PRKCZ: variants seen among roughly 807,000 people sequenced by gnomAD.
PRKCZ encodes protein kinase C zeta.
Under a neutral mutation model 79.5 loss-of-function variants are expected in PRKCZ, and 33 were observed. That is an observed-to-expected ratio of 0.41 (90% CI 0.31 to 0.55). The LOEUF (loss-of-function observed/expected upper bound fraction) is 0.55. Ranked by LOEUF, PRKCZ falls within the 20% of genes least tolerant of loss-of-function variation. PRKCZ has a pLI of 0.19. For synonymous variants in PRKCZ, 342 were observed against 320.9 expected, an observed-to-expected ratio of 1.07 and a Z score of -0.70; for missense variants, 578 against 813.5, an observed-to-expected ratio of 0.71 and a Z score of 3.52.
intron 16 of PRKCZ, among the ~76,000 whole-genome samples, chr1:2,179,264 C>T (rs959657672): frequency 3.9e-5 from 6 of 152,144 alleles, no homozygotes; most frequent in East Asian, 1.9e-4. Flanking sequence ...GAGCAAAGGC[C>T]GTGGGGAAGT....
chr1:2,095,693 G>A (rs561786149), intron 4 of PRKCZ, among the ~76,000 whole-genome samples: 6 of 151,014 alleles, frequency 4.0e-5, no homozygotes, highest in South Asian at 2.1e-4. Flanking sequence ...GCCTCCACTC[G>A]CCACAGCTCC....
rs191189836 is a variant in PRKCZ, at chr1:2,159,752, A to C, written c.974+3660A>C. 9.2e-5 allele frequency among the ~76,000 whole-genome samples: 14 copies of C among 152,268 alleles called. No individual in the cohort carries two copies. In the East Asian group the frequency reaches 2.5e-3, roughly 27 times the overall value. Reference sequence around the variant, plus strand: ...TTCGCAGTTTTAAGACACAATAAGCACCTGCTTTATGGACAAACCATACCC... The same window carrying C: ...TTCGCAGTTTTAAGACACAATAAGCCCCTGCTTTATGGACAAACCATACCC... On this transcript the variant is annotated intron_variant, in intron 10 of 17. Transcript: ENST00000378567.
intron 4 of PRKCZ, among the ~76,000 whole-genome samples, chr1:2,063,089 G>C (rs913959339): frequency 6.6e-6 from 1 of 152,140 alleles, no homozygotes; most frequent in African/African-American, 2.4e-5. Context: ...GCCATGCGTA[G>C]CCTGTGTCAC....
At chr1:2,160,156 G>A (rs922660369) in intron 10 of PRKCZ, among the ~76,000 whole-genome samples, 4 of 152,102 alleles carry the variant, frequency 2.6e-5, no homozygotes, top group Non-Finnish European at 5.9e-5. Flanking sequence ...TTCTCAGGCC[G>A]TGCACTGACT....
In PRKCZ at chr1:2,185,059, A is replaced by G; in HGVS notation, c.*50A>G. The G allele has an allele frequency of 6.6e-7, 1 of 1,511,822 alleles. No homozygotes were observed. The highest frequency in any genetic ancestry group is 9.1e-7 in the Non-Finnish European group (1 of 1,102,772). 93.7% of individuals were successfully genotyped at this position (1,511,822 alleles called of 1,614,324 possible). A position where few individuals can be genotyped will look rare whatever the true frequency, so the allele number is the denominator to read the frequency against. ...CACGCGTGATTGACCCTTTAACTGT[A>G]TCCTTAACCACCGCATATGCATGCC... On this transcript the variant is annotated 3_prime_UTR_variant, in exon 18 of 18. Coordinates refer to ENST00000378567, the MANE Select transcript of PRKCZ (RefSeq NM_002744.6).
chr1:2,179,714 A>C (rs187178434), intron 16 of PRKCZ, among the ~76,000 whole-genome samples: 243 of 152,174 alleles, frequency 1.6e-3, no homozygotes, highest in Non-Finnish European at 2.8e-3. Context: ...CAGGGCCAGG[A>C]GTGGTTTGCT....
At chr1:2,169,117 G>A (rs771723397) in intron 10 of PRKCZ, 80 of 456,992 alleles carry the variant, frequency 1.8e-4, no homozygotes, top group East Asian at 7.6e-4. Context: ...CGTGACCTGC[G>A]GTGCTGTCCC....
At chr1:2,062,877 ACT>A (rs1483010745) in intron 4 of PRKCZ, among the ~76,000 whole-genome samples, 3 of 151,384 alleles carry the variant, frequency 2.0e-5, no homozygotes, top group African/African-American at 7.3e-5. Flanking sequence ...CATCTCCAGA[ACT>A]CTCTTCATCT....
At chr1:2,146,610 A>G (rs1034951057) in intron 7 of PRKCZ, among the ~76,000 whole-genome samples, 2 of 152,204 alleles carry the variant, frequency 1.3e-5, no homozygotes, top group African/African-American at 4.8e-5. Context: ...AGAAGCATTC[A>G]GAGAGAGATC....
chr1:2,085,226 C>T (rs1320928150), intron 4 of PRKCZ, among the ~76,000 whole-genome samples: 1 of 152,216 alleles, frequency 6.6e-6, no homozygotes, highest in Non-Finnish European at 1.5e-5. Context: ...TCTGAAACTT[C>T]AGCAACTTTT....
At chr1:2,076,737 A>G (rs1662490569) in intron 4 of PRKCZ, among the ~76,000 whole-genome samples, 1 of 141,208 alleles carries the variant, frequency 7.1e-6, no homozygotes. Flanking sequence ...GCGAGACTCC[A>G]TCTTGAAAAA....
At chr1:2,183,236 A>G (rs781436356) in intron 16 of PRKCZ, among the ~76,000 whole-genome samples, 1 of 152,108 alleles carries the variant, frequency 6.6e-6, no homozygotes, top group Non-Finnish European at 1.5e-5. Context: ...AAACAAAAAC[A>G]AAAAACAAAA....
intron 4 of PRKCZ, among the ~76,000 whole-genome samples, chr1:2,085,653 GCCCTGTTCTC>G (rs1664375592): frequency 6.8e-6 from 1 of 146,778 alleles, no homozygotes. Context: ...ACGTCGGGGG[GCCCTGTTCTC>G]AGAGCCCGTG....
intron 4 of PRKCZ, among the ~76,000 whole-genome samples, chr1:2,092,695 A>C (rs1374169404): frequency 6.6e-6 from 1 of 152,220 alleles, no homozygotes; most frequent in Non-Finnish European, 1.5e-5. Flanking sequence ...TTTTGTACAA[A>C]GGGAGCTTTT....
rs144995235 is a variant in PRKCZ at position 2,175,856 on chromosome 1, C to T, written c.1575+543C>T. ...ACCCTCGACTGTGCTGGCTTGGTGCCGCCAGGAGCTAGCGGCACATGCGTC... is the reference window on the plus strand; with the variant it reads ...ACCCTCGACTGTGCTGGCTTGGTGCTGCCAGGAGCTAGCGGCACATGCGTC... On this transcript the variant is annotated intron_variant, in intron 16 of 17. Transcript: ENST00000378567. 7.1e-3 allele frequency among the ~76,000 whole-genome samples: 1,075 copies of T among 152,202 alleles called. 47 individuals are homozygous for T. The highest frequency in any genetic ancestry group is 0.061 in the Admixed American group (928 of 15,298).
At chr1:2,057,491 A>C (rs570211066) in intron 3 of PRKCZ, among the ~76,000 whole-genome samples, 27 of 152,360 alleles carry the variant, frequency 1.8e-4, no homozygotes, top group African/African-American at 6.0e-4. Flanking sequence ...GATTTCTGAC[A>C]GATCCATCAT....
intron 5 of PRKCZ, among the ~76,000 whole-genome samples, chr1:2,136,306 A>C (rs1676191432): frequency 6.6e-6 from 1 of 152,136 alleles, no homozygotes; most frequent in Non-Finnish European, 1.5e-5. Flanking sequence ...CTGGACTCCC[A>C]TTCCTCTTGG....
chr1:2,153,398 C>T (rs570741749), intron 9 of PRKCZ, among the ~76,000 whole-genome samples: 53 of 152,348 alleles, frequency 3.5e-4, no homozygotes, highest in Non-Finnish European at 6.6e-4. Context: ...CCCGATGGGC[C>T]ACAGAGGGGG....
intron 4 of PRKCZ, among the ~76,000 whole-genome samples, chr1:2,089,283 C>T (rs185667052): frequency 1.2e-4 from 18 of 152,164 alleles, no homozygotes; most frequent in African/African-American, 3.9e-4. Flanking sequence ...TGGGTAGAAA[C>T]GTGGGGGTGA....
Sources: allele counts gnomAD v4.1 joint callset (sites outside exome capture counted in the v4.1 genomes callset), GRCh38; gene constraint gnomAD v4.1.1; transcripts MANE v1.5; gene names NCBI Gene and HGNC (gene_info 2026-07-23, HGNC 2026-07-21).